The following CSMD3 variants were observed in gnomAD, a reference collection of about 807,000 sequenced individuals.
CSMD3 encodes the protein CUB and Sushi multiple domains 3.
CSMD3 carries 177 observed loss-of-function variants against 435.2 expected under a neutral mutation model. The ratio of observed to expected loss-of-function variants is 0.41; its 90% CI spans 0.36 to 0.46. The LOEUF (loss-of-function observed/expected upper bound fraction) is 0.46. Ranked by LOEUF, CSMD3 falls within the 20% of genes least tolerant of loss-of-function variation. The pLI, the probability that CSMD3 is intolerant of heterozygous loss-of-function variation, is 0.34. For missense variants in CSMD3, 4,265 were observed against 4,504.6 expected, an observed-to-expected ratio of 0.95 and a Z score of 1.52; for synonymous variants, 1,656 against 1,520.5, an observed-to-expected ratio of 1.09 and a Z score of -2.07.
chr8:112,729,745 C>A (rs530139275), intron 13 of CSMD3, among the ~76,000 whole-genome samples: 2 of 152,080 alleles, frequency 1.3e-5, no homozygotes, highest in South Asian at 2.1e-4. Flanking sequence ...GAAGAGAAGA[C>A]AATCAAAATA....
At position 112,885,497 on chromosome 8, in the gene CSMD3, T is replaced by C. The variant is rs550003475; in HGVS notation, c.1634-26231A>G. On this transcript the variant is annotated intron_variant, in intron 10 of 70. Transcript: ENST00000297405. Reference sequence around the variant, plus strand: ...GCTGTAAGACTTGCCACTGAAAAAGTTGTCAAGCTCTTGAAATATATGTAA... The same window carrying C: ...GCTGTAAGACTTGCCACTGAAAAAGCTGTCAAGCTCTTGAAATATATGTAA... Among the ~76,000 whole-genome samples, 3 of 151,612 alleles carry C rather than the reference T, an allele frequency of 2.0e-5. No individual in the cohort carries two copies. The East Asian group carries it at 5.9e-4, about 30-fold the overall frequency.
intron 24 of CSMD3, among the ~76,000 whole-genome samples, chr8:112,557,270 T>C (rs11779203): frequency 0.21 from 32,460 of 151,906 alleles, 4,154 homozygotes; most frequent in East Asian, 0.47. Context: ...GATACCATGA[T>C]ATAACAACAA....
At chr8:112,911,488 T>G (rs538179440) in intron 10 of CSMD3, among the ~76,000 whole-genome samples, 11 of 151,870 alleles carry the variant, frequency 7.2e-5, no homozygotes, top group African/African-American at 2.6e-4. Flanking sequence ...AGATTCCACA[T>G]GTAAGTGAGA....
chr8:113,001,238 A>G (rs949554064), intron 6 of CSMD3, among the ~76,000 whole-genome samples: 1 of 152,038 alleles, frequency 6.6e-6, no homozygotes, highest in African/African-American at 2.4e-5. Flanking sequence ...AAGCTTAAAC[A>G]TATTTTCCCT....
intron 10 of CSMD3, among the ~76,000 whole-genome samples, chr8:112,909,803 A>G (rs1202037165): frequency 1.3e-5 from 2 of 151,826 alleles, no homozygotes; most frequent in Non-Finnish European, 2.9e-5. Context: ...GTAATACATG[A>G]TAAGTATGAA....
intron 27 of CSMD3, among the ~76,000 whole-genome samples, chr8:112,540,215 G>A (rs894696183): frequency 5.3e-5 from 8 of 151,714 alleles, no homozygotes; most frequent in Non-Finnish European, 1.0e-4. Context: ...AGGGAAATGC[G>A]AATCAAAACC....
At chr8:112,780,140 C>T (rs1341328643) in intron 13 of CSMD3, among the ~76,000 whole-genome samples, 1 of 151,972 alleles carries the variant, frequency 6.6e-6, no homozygotes, top group Non-Finnish European at 1.5e-5. Flanking sequence ...AGTTCTTATA[C>T]AGTAACGCAA....
chr8:112,298,085 A>T (rs1413025542), intron 53 of CSMD3, among the ~76,000 whole-genome samples: 2 of 149,056 alleles, frequency 1.3e-5, no homozygotes, highest in African/African-American at 2.4e-5. Context: ...AAAAAAAAAA[A>T]AAAAATAAGT....
At chr8:113,079,619 G>A (rs75683612) in intron 5 of CSMD3, among the ~76,000 whole-genome samples, 4,771 of 152,148 alleles carry the variant, frequency 0.031, 96 homozygotes, top group Non-Finnish European at 0.052. Flanking sequence ...TCTTCTTGTA[G>A]AAACTTAGAT....
chr8:112,653,764 A>G (rs2075189395), intron 18 of CSMD3, among the ~76,000 whole-genome samples: 1 of 149,952 alleles, frequency 6.7e-6, no homozygotes, highest in Admixed American at 6.7e-5. Context: ...GGTTCAAGTG[A>G]TTCTCCTGCC....
intron 3 of CSMD3, among the ~76,000 whole-genome samples, chr8:113,236,857 C>T (rs1292894639): frequency 1.3e-5 from 2 of 152,130 alleles, no homozygotes; most frequent in Non-Finnish European, 2.9e-5. Flanking sequence ...ATTCAACTAT[C>T]TATCTATTTT....
chr8:113,312,971 A>C (rs924597499), intron 2 of CSMD3: 1 of 152,222 alleles, frequency 6.6e-6, no homozygotes, highest in Non-Finnish European at 1.5e-5. Context: ...CTTAGCTGTA[A>C]TCAACCTAGT....
chr8:113,194,333 T>C (rs7833029), intron 3 of CSMD3, among the ~76,000 whole-genome samples: 149,528 of 151,258 alleles, frequency 0.99, 73,918 homozygotes, highest in East Asian at 1. Context: ...TTGATTTGTT[T>C]CAATTGTTAA....
At chr8:112,858,373 C>T (rs1365217519) in intron 11 of CSMD3, among the ~76,000 whole-genome samples, 1 of 151,648 alleles carries the variant, frequency 6.6e-6, no homozygotes, top group Non-Finnish European at 1.5e-5. Flanking sequence ...GAAACACAAT[C>T]TGAACCAATT....
intron 6 of CSMD3, among the ~76,000 whole-genome samples, chr8:113,002,730 G>T (rs2085910426): frequency 1.3e-5 from 2 of 152,052 alleles, no homozygotes; most frequent in South Asian, 4.1e-4. Context: ...TCTTTCTTGT[G>T]TTTTTTGACA....
chr8:113,077,166 G>A (rs1307641421), intron 5 of CSMD3, among the ~76,000 whole-genome samples: 2 of 151,996 alleles, frequency 1.3e-5, no homozygotes, highest in Non-Finnish European at 2.9e-5. Context: ...AATTTTGATG[G>A]ATTCTATAAA....
intron 32 of CSMD3, among the ~76,000 whole-genome samples, chr8:112,418,102 C>G (rs1432166814): frequency 3.3e-5 from 5 of 152,086 alleles, no homozygotes; most frequent in Non-Finnish European, 5.9e-5. Flanking sequence ...TGTGCATCCA[C>G]AGTACTGACA....
chr8:113,170,485 A>G (rs1256260348), intron 4 of CSMD3, among the ~76,000 whole-genome samples: 1 of 152,082 alleles, frequency 6.6e-6, no homozygotes, highest in East Asian at 1.9e-4. Context: ...TGCTCTATAT[A>G]GTTTGTATTT....
rs949594771 is a variant in CSMD3 at position 112,506,922 on chromosome 8, A to G, written c.4757-93T>C. The G allele has an allele frequency of 4.0e-5, 46 of 1,159,052 alleles. No individual in the cohort carries two copies. The Admixed American group carries it at 9.1e-4, about 23-fold the overall frequency. The allele number at this position is 1,159,052 out of a possible 1,614,324, so 71.8% of individuals were successfully genotyped here. On this transcript the variant is annotated intron_variant, in intron 28 of 70. Coordinates refer to ENST00000297405, the MANE Select transcript of CSMD3 (RefSeq NM_198123.2). Reference sequence around the variant, plus strand: ...TGAAATCACGTCTCTAAAAGAGCTTATGAGGCTTTGTACAGACCTGAATTT... The same window carrying G: ...TGAAATCACGTCTCTAAAAGAGCTTGTGAGGCTTTGTACAGACCTGAATTT...
Sources: gnomAD v4.1 joint callset for allele counts (sites outside exome capture counted in the v4.1 genomes callset) on GRCh38, gnomAD v4.1.1 for gene constraint, MANE v1.5 for transcripts, NCBI Gene and HGNC (gene_info 2026-07-23, HGNC 2026-07-21) for gene names.